GOLM2: variants seen among roughly 807,000 people sequenced by gnomAD.
GOLM2 encodes the protein golgi membrane protein 2.
In GOLM2, 26 loss-of-function variants were observed where a neutral mutation model predicts 55.9. That is an observed-to-expected ratio of 0.47 (90% CI 0.34 to 0.65). GOLM2 has a LOEUF of 0.65. GOLM2 is among the 30% of genes least tolerant of loss of function. The pLI, the probability that GOLM2 is intolerant of heterozygous loss-of-function variation, is 0.01. For missense variants in GOLM2, 486 were observed against 531.8 expected (o/e 0.91, Z 0.85); for synonymous variants, 165 against 194.6 (o/e 0.85, Z 1.27).
At position 44,393,343 on chromosome 15, in the gene GOLM2, AAATT is replaced by A. The variant is rs1333418688; in HGVS notation, c.1073-9536_1073-9533del. On this transcript the variant is annotated intron_variant, in intron 8 of 9. Transcript: ENST00000299957. ...ATAAGCTACAAAATATTGTTCACAGAAATTAATTAATATATAAATAAATCCATAT... is the reference window on the plus strand; with the variant it reads ...ATAAGCTACAAAATATTGTTCACAGAAATTAATATATAAATAAATCCATAT... Among the ~76,000 whole-genome samples, 20 of 152,320 alleles carry A rather than the reference AAATT, an allele frequency of 1.3e-4. No homozygotes were observed. In the East Asian group the frequency reaches 3.3e-3, roughly 25 times the overall value.
chr15:44,377,110 C>T lies in GOLM2; in HGVS notation c.803-2580C>T, dbSNP rs565073070. Among the ~76,000 whole-genome samples, 7 of 152,198 alleles carry T rather than the reference C, an allele frequency of 4.6e-5. No homozygotes were observed. The East Asian group carries it at 1.2e-3, about 25-fold the overall frequency. ...TTTGGGAGCTGGGCATGATGGCTCA[C>T]GTCTATAATCCCAGCAGTTTGGGAG... On this transcript the variant is annotated intron_variant, in intron 6 of 9. Coordinates refer to ENST00000299957, the MANE Select transcript of GOLM2 (RefSeq NM_138423.4).
intron 8 of GOLM2, among the ~76,000 whole-genome samples, chr15:44,391,030 AT>A (rs2079484534): frequency 6.6e-6 from 1 of 152,210 alleles, no homozygotes; most frequent in Admixed American, 6.6e-5. Context: ...AGTTACCTAA[AT>A]TGGCTCATGA....
chr15:44,374,974 G>C (rs78139037), intron 6 of GOLM2, among the ~76,000 whole-genome samples: 7,471 of 152,204 alleles, frequency 0.049, 300 homozygotes, highest in East Asian at 0.2. Flanking sequence ...CTTCAATGAA[G>C]AGGACCGGGT....
intron 4 of GOLM2, among the ~76,000 whole-genome samples, chr15:44,334,929 G>T (rs1372905441): frequency 1.3e-5 from 2 of 152,190 alleles, no homozygotes; most frequent in Non-Finnish European, 2.9e-5. Context: ...TACTCAGGAG[G>T]CTGAGGCAGG....
At chr15:44,389,678 T>TTTTTG (rs1250685009) in intron 8 of GOLM2, among the ~76,000 whole-genome samples, 3 of 152,116 alleles carry the variant, frequency 2.0e-5, no homozygotes, top group Admixed American at 6.6e-5. Context: ...ATCACCACAA[T>TTTTTG]TTTTGTTTTG....
At chr15:44,301,584 G>A (rs1368861700) in intron 1 of GOLM2, among the ~76,000 whole-genome samples, 1 of 152,068 alleles carries the variant, frequency 6.6e-6, no homozygotes, top group African/African-American at 2.4e-5. Flanking sequence ...ACCTATTTTA[G>A]AGGCTTAGGG....
intron 6 of GOLM2, among the ~76,000 whole-genome samples, chr15:44,365,620 G>T (rs1022115061): frequency 1.3e-5 from 2 of 152,088 alleles, no homozygotes; most frequent in African/African-American, 4.8e-5. Context: ...TAGATATTCC[G>T]GAATAGGAAA....
chr15:44,310,874 G>T (rs1278127287), intron 1 of GOLM2, among the ~76,000 whole-genome samples: 1 of 151,998 alleles, frequency 6.6e-6, no homozygotes, highest in African/African-American at 2.4e-5. Flanking sequence ...AAAATTAGCT[G>T]GGCATGGTGG....
rs898795819 is a variant in GOLM2, at chr15:44,415,100, C to G, written c.*1694C>G. 3.3e-5 allele frequency: 5 copies of G among 152,490 alleles called. No homozygotes were observed. The highest frequency in any genetic ancestry group is 1.2e-4 in the African/African-American group (5 of 41,460). 9.4% of individuals were successfully genotyped at this position (152,490 alleles called of 1,614,324 possible). A position where few individuals can be genotyped will look rare whatever the true frequency, so the allele number is the denominator to read the frequency against. ...TAGTGGTAAAGAAACAGGTTGTTCA[C>G]TTGCTGAGGTGCAAAAATTCTTAAG... On this transcript the variant is annotated 3_prime_UTR_variant, in exon 10 of 10. Transcript: ENST00000299957.
chr15:44,372,216 C>T (rs569462260), intron 6 of GOLM2, among the ~76,000 whole-genome samples: 1 of 152,272 alleles, frequency 6.6e-6, no homozygotes, highest in African/African-American at 2.4e-5. Context: ...GAAACCCATG[C>T]CCCATTCCCA....
At chr15:44,307,134 A>C (rs2078843049) in intron 1 of GOLM2, 1 of 154,932 alleles carries the variant, frequency 6.5e-6, no homozygotes, top group African/African-American at 2.4e-5. Flanking sequence ...CAATAAGACA[A>C]GGTATGCCTG....
At chr15:44,396,382 A>C (rs1386165553) in intron 8 of GOLM2, among the ~76,000 whole-genome samples, 1 of 152,114 alleles carries the variant, frequency 6.6e-6, no homozygotes, top group East Asian at 1.9e-4. Context: ...TTTTAATAAA[A>C]CATAAAATTT....
intron 1 of GOLM2, among the ~76,000 whole-genome samples, chr15:44,321,385 C>T (rs569086588): frequency 2.0e-5 from 3 of 147,102 alleles, no homozygotes; most frequent in Admixed American, 1.4e-4. Context: ...GTGGAAGGAT[C>T]GCTTGAGCCC....
chr15:44,307,586 G>C (rs185977217), intron 1 of GOLM2: 2 of 152,278 alleles, frequency 1.3e-5, no homozygotes, highest in African/African-American at 4.8e-5. Context: ...ATTGTTCAAA[G>C]TTTATTATAT....
intron 6 of GOLM2, among the ~76,000 whole-genome samples, chr15:44,376,811 TGGGGC>T (rs2079367985): frequency 7.5e-6 from 1 of 132,636 alleles, no homozygotes; most frequent in East Asian, 3.0e-4. Context: ...ATAGTAGGTG[TGGGGC>T]TTATAACTAT....
At chr15:44,399,290 A>G (rs1783566999) in intron 8 of GOLM2, among the ~76,000 whole-genome samples, 1 of 151,928 alleles carries the variant, frequency 6.6e-6, no homozygotes, top group Non-Finnish European at 1.5e-5. Context: ...TTGATTGGCA[A>G]CTCTGTGTAA....
chr15:44,405,281 G>A (rs1224080784), intron 9 of GOLM2: 1 of 152,212 alleles, frequency 6.6e-6, no homozygotes, highest in Non-Finnish European at 1.5e-5. Context: ...AAGTAGAGAA[G>A]GGGCTGTTAC....
In GOLM2 at chr15:44,321,467, CAAA is replaced by C. The variant is rs35260808; in HGVS notation, c.328-1483_328-1481del. On this transcript the variant is annotated intron_variant, in intron 1 of 9. Coordinates refer to ENST00000299957, the MANE Select transcript of GOLM2 (RefSeq NM_138423.4). The stretch of plus-strand genomic sequence containing the variant: ...TGGTCTGCAGAGTGAGAACATGTCT[CAAA>C]AAAAAAAAAAAAAAGGGGGGGTGGG... Among the ~76,000 whole-genome samples the C allele has an allele frequency of 3.9e-3, 126 of 32,666 alleles. 1 individual carries two copies. The Middle Eastern group carries it at 0.068, about 18-fold the overall frequency. The allele number at this position is 32,666 out of a possible 152,430, so 21.4% of individuals were successfully genotyped here. A position where few individuals can be genotyped will look rare whatever the true frequency, so the allele number is the denominator to read the frequency against.
At chr15:44,322,402 A>T (rs1169010024) in intron 1 of GOLM2, among the ~76,000 whole-genome samples, 2 of 152,166 alleles carry the variant, frequency 1.3e-5, no homozygotes, top group Non-Finnish European at 2.9e-5. Flanking sequence ...GCTACTTCTG[A>T]TTAATGTGAA....
Sources: gnomAD v4.1 joint callset for allele counts (sites outside exome capture counted in the v4.1 genomes callset) on GRCh38, gnomAD v4.1.1 for gene constraint, MANE v1.5 for transcripts, NCBI Gene and HGNC (gene_info 2026-07-23, HGNC 2026-07-21) for gene names.